The following PCDHA7 variants were observed in gnomAD, a reference collection of about 807,000 sequenced individuals.
The protein encoded by PCDHA7 is protocadherin alpha-7.
In PCDHA7, 37 loss-of-function variants were observed where a neutral mutation model predicts 57.2. The ratio of observed to expected loss-of-function variants is 0.65; its 90% CI spans 0.50 to 0.85. The LOEUF (loss-of-function observed/expected upper bound fraction) is 0.85. Among genes scored for constraint, PCDHA7 ranks in the 40% least tolerant of loss-of-function variants. PCDHA7 has a pLI of 0.00. For missense variants in PCDHA7, 1,188 were observed against 1,241.8 expected (o/e 0.96, Z 0.65); for synonymous variants, 553 against 558.8 (o/e 0.99, Z 0.15).
At chr5:140,842,951 C>T in intron 1 of PCDHA7, 2 of 1,594,846 alleles carry the variant, frequency 1.3e-6, no homozygotes, top group Non-Finnish European at 1.7e-6. Context: ...GGGCGTGCCG[C>T]CTCTGGGCAG....
At position 141,011,014 on chromosome 5, in the gene PCDHA7, C is replaced by T. The variant is rs2098419102; in HGVS notation, c.*1077C>T. On this transcript the variant is annotated 3_prime_UTR_variant, in exon 4 of 4. Coordinates refer to ENST00000525929, the MANE Select transcript of PCDHA7 (RefSeq NM_018910.3). ...CATCTGTATTATATCGGCCACCTGC[C>T]AATCACAGCTTTACTCTTTCAGGTC... 6.5e-6 allele frequency: 1 copy of T among 153,758 alleles called. No individual in the cohort carries two copies. Among genetic ancestry groups the T allele is most frequent in the Admixed American group, 6.5e-5 (1 of 15,286 alleles). 9.5% of individuals were successfully genotyped at this position (153,758 alleles called of 1,614,324 possible).
chr5:140,985,018 A>G (rs1384418667), intron 3 of PCDHA7, among the ~76,000 whole-genome samples: 2 of 152,026 alleles, frequency 1.3e-5, no homozygotes, highest in Non-Finnish European at 2.9e-5. Flanking sequence ...GCTCACAGCA[A>G]CCTCTGCCTC....
In PCDHA7 at chr5:140,910,096, C is replaced by G. The variant is rs1583731198; in HGVS notation, c.2356-68853C>G. On this transcript the variant is annotated intron_variant, in intron 1 of 3. Coordinates refer to ENST00000525929, the MANE Select transcript of PCDHA7 (RefSeq NM_018910.3). ...ATTGTTGTCAAGGGGAACCAGCCTCCCCTTCATTTAAGGGATTCTAGGTCT... is the reference window on the plus strand; with the variant it reads ...ATTGTTGTCAAGGGGAACCAGCCTCGCCTTCATTTAAGGGATTCTAGGTCT... Among the ~76,000 whole-genome samples the G allele has an allele frequency of 2.6e-5, 4 of 152,262 alleles. No individual in the cohort carries two copies. The East Asian group carries it at 7.7e-4, about 29-fold the overall frequency.
At position 140,836,282 on chromosome 5, in the gene PCDHA7, G is replaced by C. The variant is rs1554135789; in HGVS notation, c.1899G>C (p.Thr633=). 3.7e-6 allele frequency: 6 copies of C among 1,613,806 alleles called. No homozygotes were observed. Among genetic ancestry groups the C allele is most frequent in the Non-Finnish European group, 5.1e-6 (6 of 1,179,832 alleles). Residue 633 remains threonine (T), a synonymous_variant, in exon 1 of 4, where the codon ACG becomes ACC. Transcript: ENST00000525929. Reference sequence around the variant, plus strand: ...GGCTGTACACTGGTGAGATCAGCACGACACGAGCCCTAGATGAGACGGACG... The same window carrying C: ...GGCTGTACACTGGTGAGATCAGCACCACACGAGCCCTAGATGAGACGGACG... The part of the protein sequence containing the change: ...RVGLYTGEIS[T]TRALDETDAP...
At chr5:140,941,214 C>CCTTTCTTTCTTT (rs60032403) in intron 1 of PCDHA7, among the ~76,000 whole-genome samples, 2,129 of 122,416 alleles carry the variant, frequency 0.017, 41 homozygotes, top group Non-Finnish European at 0.024. Context: ...TTTCTTTCTT[C>CCTTTCTTTCTTT]CTTTCTTTCT....
At chr5:140,877,225 G>A in intron 1 of PCDHA7, 1 of 1,613,746 alleles carries the variant, frequency 6.2e-7, no homozygotes. Context: ...ACCGCGGTCG[G>A]TGGGTGCGGG....
intron 3 of PCDHA7, among the ~76,000 whole-genome samples, chr5:140,997,720 G>A (rs973128921): frequency 3.3e-5 from 5 of 151,568 alleles, no homozygotes; most frequent in East Asian, 1.9e-4. Context: ...ACCTTTCTAC[G>A]TCAGTACATA....
rs2091506714 is a variant in PCDHA7, at chr5:140,937,376, G to C, written c.2356-41573G>C. Reference sequence around the variant, plus strand: ...TATTATTTTATCTTAATGTTTATGTGTGTGTATGTGTATATAGGGGTATTG... The same window carrying C: ...TATTATTTTATCTTAATGTTTATGTCTGTGTATGTGTATATAGGGGTATTG... On this transcript the variant is annotated intron_variant, in intron 1 of 3. Coordinates refer to ENST00000525929, the MANE Select transcript of PCDHA7 (RefSeq NM_018910.3). Among the ~76,000 whole-genome samples, 4 of 152,084 alleles carry C rather than the reference G, an allele frequency of 2.6e-5. No homozygotes were observed. In the South Asian group the frequency reaches 8.3e-4, roughly 32 times the overall value.
Position 140,843,176 on chromosome 5 carries a change from C to A in PCDHA7, c.2355+6438C>A, listed in dbSNP as rs145175505. 1.9e-6 allele frequency: 3 copies of A among 1,596,084 alleles called. 1 individual carries two copies. The highest frequency in any genetic ancestry group is 2.6e-6 in the Non-Finnish European group (3 of 1,165,610). On this transcript the variant is annotated intron_variant, in intron 1 of 3. Transcript: ENST00000525929. ...GCTGCAGCCAGCTGCAAGCAGCCCT[C>A]GCATCCCGTTCCGCGTGGGGCTGTA...
chr5:140,850,195 C>A, intron 1 of PCDHA7: 1 of 1,593,610 alleles, frequency 6.3e-7, no homozygotes, highest in South Asian at 1.1e-5. Context: ...GCGCTGCTGA[C>A]ACCTCGGATG....
intron 3 of PCDHA7, among the ~76,000 whole-genome samples, chr5:140,997,668 T>TTG (rs35184029): frequency 0.084 from 12,442 of 148,286 alleles, 534 homozygotes; most frequent in Admixed American, 0.1. Flanking sequence ...ATTATACAGC[T>TTG]TGTGTGTGTG....
intron 1 of PCDHA7, chr5:140,848,507 A>G: frequency 1.3e-6 from 2 of 1,588,934 alleles, no homozygotes. Flanking sequence ...TGTTATACTC[A>G]AGTCGAGGAG....
At chr5:140,849,071 T>C (rs2150430032) in intron 1 of PCDHA7, 1 of 1,532,554 alleles carries the variant, frequency 6.5e-7, no homozygotes, top group Non-Finnish European at 8.9e-7. Flanking sequence ...TAAAACCTCT[T>C]GGACTTGTAT....
rs139390480 is a variant in PCDHA7, at chr5:140,856,945, A to T, written c.2355+20207A>T. ...AATTTTGGATAAACGAAAGGACGGGAGAAATAAAAGTAAATGATGCTATTG... is the reference window on the plus strand; with the variant it reads ...AATTTTGGATAAACGAAAGGACGGGTGAAATAAAAGTAAATGATGCTATTG... On this transcript the variant is annotated intron_variant, in intron 1 of 3. Transcript: ENST00000525929. The T allele has an allele frequency of 3.8e-6, 6 of 1,593,208 alleles. No individual in the cohort carries two copies. The highest frequency in any genetic ancestry group is 5.2e-6 in the Non-Finnish European group (6 of 1,163,192).
intron 1 of PCDHA7, chr5:140,869,704 G>C: frequency 6.2e-7 from 1 of 1,613,400 alleles, no homozygotes; most frequent in Non-Finnish European, 8.5e-7. Flanking sequence ...GAAGTCTCTG[G>C]ATAGAGAGAA....
chr5:140,966,712 TG>T, intron 1 of PCDHA7: 1 of 1,392,090 alleles, frequency 7.2e-7, no homozygotes, highest in South Asian at 1.6e-5. Context: ...GGGGCACGGC[TG>T]GGGAAGCTGC....
chr5:140,853,247 C>T lies in PCDHA7; in HGVS notation c.2355+16509C>T, dbSNP rs985398812. ...GTAATTTAGTCCTTCATATTAATCT[C>T]TATTCTCTCTCAGAGTACAAGCTCT... On this transcript the variant is annotated intron_variant, in intron 1 of 3. Transcript: ENST00000525929. 2 of 976,048 alleles carry T rather than the reference C, an allele frequency of 2.0e-6. 1 individual carries two copies. Among genetic ancestry groups the T allele is most frequent in the Non-Finnish European group, 2.5e-6 (2 of 809,028 alleles). 60.5% of individuals were successfully genotyped at this position (976,048 alleles called of 1,614,324 possible).
chr5:140,835,406 G>T lies in PCDHA7; in HGVS notation c.1023G>T (p.Val341=). The change falls in exon 1 of 4, where the codon GTG becomes GTT. Residue 341 remains valine (V), a synonymous_variant. Coordinates refer to ENST00000525929, the MANE Select transcript of PCDHA7 (RefSeq NM_018910.3). ...ATTGTACAGTTCTTGTGGAAGTTGT[G>T]GATGTAAATGACAATGCTCCACAGT... The part of the protein sequence containing the change: ...AGHCTVLVEV[V]DVNDNAPQLT... The T allele has an allele frequency of 6.2e-7, 1 of 1,613,974 alleles. No homozygotes were observed. Among genetic ancestry groups the T allele is most frequent in the Non-Finnish European group, 8.5e-7 (1 of 1,179,870 alleles).
intron 1 of PCDHA7, chr5:140,842,566 CGA>C: frequency 6.7e-7 from 1 of 1,503,446 alleles, no homozygotes; most frequent in Non-Finnish European, 9.0e-7. Context: ...CCCTGGACCG[CGA>C]GAGAGTGTCG....
Sources: gnomAD v4.1 joint callset for allele counts (sites outside exome capture counted in the v4.1 genomes callset) on GRCh38, gnomAD v4.1.1 for gene constraint, MANE v1.5 for transcripts, NCBI Gene and HGNC (gene_info 2026-07-23, HGNC 2026-07-21) for gene names.